Variants in CCDC171 observed in about 807,000 individuals in gnomAD.
CCDC171 encodes the protein coiled-coil domain containing 171, also known as coiled-coil domain-containing protein 171.
A neutral mutation model predicts 168.2 loss-of-function variants in CCDC171; 177 were observed. The ratio of observed to expected loss-of-function variants is 1.05; its 90% CI spans 0.93 to 1.19. CCDC171 has a LOEUF of 1.19. CCDC171 is among the 50% of genes most tolerant of loss of function. CCDC171 has a pLI of 0.00. For synonymous variants in CCDC171, 687 were observed against 540.8 expected (o/e 1.27, Z -3.75); for missense variants, 1,991 against 1,539.0 (o/e 1.29, Z -4.91).
intron 25 of CCDC171, among the ~76,000 whole-genome samples, chr9:15,953,123 C>G (rs1829398309): frequency 1.3e-5 from 2 of 152,126 alleles, no homozygotes; most frequent in African/African-American, 2.4e-5. Context: ...ATATCATCTG[C>G]AAAGAAAGAT....
At chr9:15,583,408 CAAA>C (rs753789809) in intron 4 of CCDC171, among the ~76,000 whole-genome samples, 1 of 95,818 alleles carries the variant, frequency 1.0e-5, no homozygotes. Flanking sequence ...GACTCCATCT[CAAA>C]AAAAAAAAAA....
chr9:15,627,393 C>G (rs1442992510), intron 7 of CCDC171, among the ~76,000 whole-genome samples: 1 of 151,978 alleles, frequency 6.6e-6, no homozygotes, highest in Non-Finnish European at 1.5e-5. Flanking sequence ...TTCTGTAGTT[C>G]TTTTAATTGT....
chr9:15,566,439 G>C (rs1299152505), intron 2 of CCDC171, among the ~76,000 whole-genome samples: 1 of 152,084 alleles, frequency 6.6e-6, no homozygotes, highest in Non-Finnish European at 1.5e-5. Context: ...TGCCTGTGTG[G>C]TCCCAGCTAC....
chr9:15,795,197 C>G (rs1039099379), intron 21 of CCDC171, among the ~76,000 whole-genome samples: 1 of 152,132 alleles, frequency 6.6e-6, no homozygotes, highest in Admixed American at 6.6e-5. Flanking sequence ...TGCTTGCATT[C>G]TCTGGGGGAA....
At chr9:15,722,963 G>A (rs1423559015) in intron 12 of CCDC171, among the ~76,000 whole-genome samples, 2 of 152,126 alleles carry the variant, frequency 1.3e-5, no homozygotes, top group African/African-American at 2.4e-5. Flanking sequence ...TACCCACAGC[G>A]AATTGTTATT....
chr9:15,805,561 A>AT (rs1043584562), intron 21 of CCDC171, among the ~76,000 whole-genome samples: 2 of 152,014 alleles, frequency 1.3e-5, no homozygotes, highest in African/African-American at 4.8e-5. Context: ...TTTCCAGTGA[A>AT]TTTTTTTAGC....
intron 18 of CCDC171, among the ~76,000 whole-genome samples, chr9:15,747,106 G>C (rs185213720): frequency 6.6e-6 from 1 of 152,204 alleles, no homozygotes; most frequent in African/African-American, 2.4e-5. Flanking sequence ...GCTTGAGTAG[G>C]TGGTTTTATG....
intron 6 of CCDC171, among the ~76,000 whole-genome samples, chr9:15,611,835 G>C (rs187028047): frequency 6.6e-6 from 1 of 152,128 alleles, no homozygotes; most frequent in South Asian, 2.1e-4. Flanking sequence ...TTCAAGGTTA[G>C]CTGTTTTGCT....
chr9:16,001,027 C>T (rs576876045), intron 3 of CCDC171, among the ~76,000 whole-genome samples: 2 of 152,216 alleles, frequency 1.3e-5, no homozygotes, highest in Admixed American at 1.3e-4. Flanking sequence ...GGCTGATTCA[C>T]AGTAACCAAA....
At chr9:15,957,698 T>C (rs1036898429) in intron 25 of CCDC171, among the ~76,000 whole-genome samples, 12 of 152,314 alleles carry the variant, frequency 7.9e-5, no homozygotes, top group Non-Finnish European at 1.5e-4. Context: ...CAAGAGAGTA[T>C]GAAAATTGAC....
chr9:15,722,120 T>A (rs2053524430), intron 12 of CCDC171, among the ~76,000 whole-genome samples: 1 of 152,222 alleles, frequency 6.6e-6, no homozygotes, highest in African/African-American at 2.4e-5. Context: ...CTATCACTTC[T>A]TGATCTTCAT....
At chr9:15,905,279 A>C (rs999905259) in intron 24 of CCDC171, among the ~76,000 whole-genome samples, 3 of 152,120 alleles carry the variant, frequency 2.0e-5, no homozygotes, top group African/African-American at 7.2e-5. Flanking sequence ...GAAGTAAAGC[A>C]CTCCTCAGCA....
intron 23 of CCDC171, among the ~76,000 whole-genome samples, chr9:15,859,803 GCATATGCCAC>G (rs1300296735): frequency 1.3e-5 from 2 of 151,610 alleles, no homozygotes; most frequent in Non-Finnish European, 2.9e-5. Context: ...GTGACTACAG[GCATATGCCAC>G]CAAATCCTGC....
At chr9:15,652,323 A>G (rs968558589) in intron 7 of CCDC171, among the ~76,000 whole-genome samples, 1 of 152,154 alleles carries the variant, frequency 6.6e-6, no homozygotes. Flanking sequence ...TGATGGCACC[A>G]TTGTCAAAAA....
At chr9:16,021,388 A>G (rs1833159703) in intron 4 of CCDC171, among the ~76,000 whole-genome samples, 1 of 152,208 alleles carries the variant, frequency 6.6e-6, no homozygotes. Flanking sequence ...GCCTGGCCTC[A>G]ATAAGACAAT....
chr9:15,842,770 G>C (rs2060735511), intron 21 of CCDC171, among the ~76,000 whole-genome samples: 1 of 151,700 alleles, frequency 6.6e-6, no homozygotes, highest in Non-Finnish European at 1.5e-5. Flanking sequence ...TGAGATAATA[G>C]AATTTCAATT....
intron 21 of CCDC171, among the ~76,000 whole-genome samples, chr9:15,813,722 G>A (rs960894790): frequency 1.3e-5 from 2 of 151,950 alleles, no homozygotes; most frequent in East Asian, 1.9e-4. Context: ...TTTAATTGAT[G>A]TACAGAATTT....
At chr9:15,770,168 A>T (rs1454421941) in intron 18 of CCDC171, among the ~76,000 whole-genome samples, 1 of 152,218 alleles carries the variant, frequency 6.6e-6, no homozygotes, top group African/African-American at 2.4e-5. Flanking sequence ...CAGGACTTTT[A>T]TCACTTTTAA....
intron 11 of CCDC171, among the ~76,000 whole-genome samples, chr9:15,702,412 T>C (rs1240921077): frequency 6.6e-6 from 1 of 152,058 alleles, no homozygotes; most frequent in East Asian, 1.9e-4. Context: ...TTAAGAATTA[T>C]TCTATATCTA....
Sources: allele counts gnomAD v4.1 joint callset (sites outside exome capture counted in the v4.1 genomes callset), GRCh38; gene constraint gnomAD v4.1.1; transcripts MANE v1.5; gene names NCBI Gene and HGNC (gene_info 2026-07-23, HGNC 2026-07-21).